KCND2: variants seen among roughly 807,000 people sequenced by gnomAD.
KCND2 encodes the protein A-type voltage-gated potassium channel KCND2.
KCND2 carries 16 observed loss-of-function variants against 54.4 expected under a neutral mutation model. That is an observed-to-expected ratio of 0.29 (90% CI 0.20 to 0.45). The LOEUF is 0.45. KCND2 is among the 20% of genes least tolerant of loss of function. The pLI is 1.00. For missense variants in KCND2, 486 were observed against 824.2 expected, an observed-to-expected ratio of 0.59 and a Z score of 5.02; for synonymous variants, 317 against 310.7, an observed-to-expected ratio of 1.02 and a Z score of -0.21.
At chr7:120,356,213 C>A (rs1481607767) in intron 1 of KCND2, among the ~76,000 whole-genome samples, 1 of 152,012 alleles carries the variant, frequency 6.6e-6, no homozygotes, top group Non-Finnish European at 1.5e-5. Flanking sequence ...TGGAAAACTA[C>A]TGAGATGTAA....
At chr7:120,485,847 G>A (rs532325354) in intron 1 of KCND2, among the ~76,000 whole-genome samples, 85 of 152,194 alleles carry the variant, frequency 5.6e-4, no homozygotes, top group African/African-American at 1.9e-3. Flanking sequence ...ATGAGAGAAG[G>A]GACCTTGTGG....
intron 1 of KCND2, among the ~76,000 whole-genome samples, chr7:120,359,641 A>G (rs1406139948): frequency 6.6e-6 from 1 of 152,178 alleles, no homozygotes; most frequent in African/African-American, 2.4e-5. Context: ...GATAATAAAA[A>G]ATACTTAATA....
intron 1 of KCND2, among the ~76,000 whole-genome samples, chr7:120,315,112 GA>G (rs939407357): frequency 2.0e-4 from 31 of 151,396 alleles, no homozygotes; most frequent in African/African-American, 5.1e-4. Context: ...TTTGTAAAGG[GA>G]AAAAAAAGCA....
At chr7:120,618,951 G>A (rs1793063246) in intron 1 of KCND2, among the ~76,000 whole-genome samples, 2 of 152,102 alleles carry the variant, frequency 1.3e-5, no homozygotes, top group African/African-American at 4.8e-5. Flanking sequence ...TGGGAACACA[G>A]ACATGCATCA....
intron 1 of KCND2, among the ~76,000 whole-genome samples, chr7:120,538,602 C>T (rs1791940786): frequency 6.6e-6 from 1 of 152,188 alleles, no homozygotes; most frequent in Non-Finnish European, 1.5e-5. Flanking sequence ...CTGGGCACTG[C>T]TGGCAGCTGG....
At chr7:120,539,666 A>G (rs1176870617) in intron 1 of KCND2, among the ~76,000 whole-genome samples, 1 of 152,230 alleles carries the variant, frequency 6.6e-6, no homozygotes, top group Admixed American at 6.5e-5. Flanking sequence ...ACGTTACACC[A>G]TGATGTTTTC....
chr7:120,576,424 T>C (rs929961056), intron 1 of KCND2, among the ~76,000 whole-genome samples: 15 of 152,254 alleles, frequency 9.9e-5, no homozygotes, highest in African/African-American at 3.1e-4. Flanking sequence ...TTTAGGTTGA[T>C]TCCATTGTTT....
intron 3 of KCND2, chr7:120,742,173 G>A: frequency 3.3e-6 from 1 of 307,302 alleles, no homozygotes; most frequent in South Asian, 3.3e-5. Flanking sequence ...ACGTGCACAT[G>A]ATCGTGGTTT....
chr7:120,502,859 G>A (rs937040730), intron 1 of KCND2, among the ~76,000 whole-genome samples: 6 of 151,968 alleles, frequency 3.9e-5, no homozygotes, highest in Non-Finnish European at 7.4e-5. Flanking sequence ...AGTGGGAATC[G>A]CTCTTCCTTC....
At chr7:120,416,091 G>A (rs1801520122) in intron 1 of KCND2, among the ~76,000 whole-genome samples, 1 of 152,028 alleles carries the variant, frequency 6.6e-6, no homozygotes, top group Non-Finnish European at 1.5e-5. Flanking sequence ...TGCCAACATT[G>A]CTTCAATAGT....
At chr7:120,373,397 C>T (rs189962733) in intron 1 of KCND2, among the ~76,000 whole-genome samples, 4 of 151,976 alleles carry the variant, frequency 2.6e-5, no homozygotes, top group Non-Finnish European at 4.4e-5. Context: ...CATCATATCA[C>T]ATTGGAAAGC....
At chr7:120,308,999 T>C (rs189267196) in intron 1 of KCND2, among the ~76,000 whole-genome samples, 8 of 152,114 alleles carry the variant, frequency 5.3e-5, no homozygotes, top group Admixed American at 5.2e-4. Context: ...ATAAGATTTT[T>C]AAGAAATGGC....
At chr7:120,352,497 CAA>C (rs1184591002) in intron 1 of KCND2, among the ~76,000 whole-genome samples, 1 of 129,812 alleles carries the variant, frequency 7.7e-6, no homozygotes, top group African/African-American at 2.8e-5. Flanking sequence ...CACACACACA[CAA>C]CATTCATGAA....
chr7:120,416,068 A>G (rs1169165135), intron 1 of KCND2, among the ~76,000 whole-genome samples: 3 of 152,168 alleles, frequency 2.0e-5, no homozygotes, highest in Admixed American at 6.5e-5. Flanking sequence ...TACAGCTGCC[A>G]TCTATCTTCT....
chr7:120,717,417 T>A (rs2116090794), intron 1 of KCND2, among the ~76,000 whole-genome samples: 1 of 152,252 alleles, frequency 6.6e-6, no homozygotes, highest in African/African-American at 2.4e-5. Context: ...TCCTTAAAAC[T>A]TATGAATTGT....
intron 1 of KCND2, among the ~76,000 whole-genome samples, chr7:120,712,642 A>G (rs943443565): frequency 2.6e-5 from 4 of 152,164 alleles, no homozygotes; most frequent in African/African-American, 9.7e-5. Context: ...AGAACAGACA[A>G]ATGTCCATAA....
intron 1 of KCND2, among the ~76,000 whole-genome samples, chr7:120,468,671 G>A (rs938711158): frequency 8.6e-5 from 13 of 152,016 alleles, no homozygotes; most frequent in East Asian, 1.9e-4. Context: ...TATATGCCAC[G>A]ATTTTATTTA....
chr7:120,334,175 A>G (rs1309783098), intron 1 of KCND2, among the ~76,000 whole-genome samples: 1 of 152,186 alleles, frequency 6.6e-6, no homozygotes, highest in African/African-American at 2.4e-5. Context: ...TCCATGTCAA[A>G]TGAACATTAA....
chr7:120,642,974 T>C (rs1793396844), intron 1 of KCND2, among the ~76,000 whole-genome samples: 1 of 152,210 alleles, frequency 6.6e-6, no homozygotes. Flanking sequence ...GAACTTCCAT[T>C]GTATGGCATA....
Sources: allele counts gnomAD v4.1 joint callset (sites outside exome capture counted in the v4.1 genomes callset), GRCh38; gene constraint gnomAD v4.1.1; transcripts MANE v1.5; gene names NCBI Gene and HGNC (gene_info 2026-07-23, HGNC 2026-07-21).